JARID2: variants seen among roughly 807,000 people sequenced by gnomAD.
JARID2 encodes protein Jumonji.
Under a neutral mutation model 125.6 loss-of-function variants are expected in JARID2, and 21 were observed. That is an observed-to-expected ratio of 0.17 (90% CI 0.12 to 0.24). The LOEUF is 0.24. Among genes scored for constraint, JARID2 ranks in the 10% least tolerant of loss-of-function variants. The pLI is 1.00. For synonymous variants in JARID2, 736 were observed against 661.6 expected (o/e 1.11, Z -1.73); for missense variants, 1,303 against 1,639.6 (o/e 0.79, Z 3.55).
intron 1 of JARID2, among the ~76,000 whole-genome samples, chr6:15,361,048 A>G (rs1174252946): frequency 1.3e-5 from 2 of 152,188 alleles, no homozygotes; most frequent in Non-Finnish European, 2.9e-5. Context: ...GAACTTTGGT[A>G]TTTTCTCTAA....
intron 1 of JARID2, among the ~76,000 whole-genome samples, chr6:15,255,139 T>C (rs1224664628): frequency 3.0e-5 from 3 of 100,682 alleles, no homozygotes; most frequent in South Asian, 6.6e-4. Flanking sequence ...CTAGGAATTC[T>C]TTTTTTTTTT....
intron 1 of JARID2, among the ~76,000 whole-genome samples, chr6:15,356,940 G>A (rs970016625): frequency 1.0e-4 from 9 of 85,960 alleles, no homozygotes; most frequent in Non-Finnish European, 7.4e-5. Context: ...CTTGAGCCCG[G>A]GAGGCAGAGG....
intron 1 of JARID2, among the ~76,000 whole-genome samples, chr6:15,265,073 T>C (rs1480499323): frequency 2.0e-5 from 3 of 152,188 alleles, no homozygotes; most frequent in Non-Finnish European, 4.4e-5. Context: ...TGAGGCCAAG[T>C]TGAGGAATCC....
chr6:15,265,415 A>T (rs771149465), intron 1 of JARID2, among the ~76,000 whole-genome samples: 2 of 152,104 alleles, frequency 1.3e-5, no homozygotes, highest in Non-Finnish European at 2.9e-5. Context: ...GAGTTCCATA[A>T]GTGTAATTGA....
intron 1 of JARID2, among the ~76,000 whole-genome samples, chr6:15,327,853 T>G (rs1299260985): frequency 6.6e-6 from 1 of 152,236 alleles, no homozygotes; most frequent in African/African-American, 2.4e-5. Flanking sequence ...CTCAATGTTA[T>G]GTCTTTTGTG....
intron 1 of JARID2, among the ~76,000 whole-genome samples, chr6:15,270,385 G>A (rs1760250322): frequency 6.6e-6 from 1 of 152,142 alleles, no homozygotes; most frequent in Non-Finnish European, 1.5e-5. Flanking sequence ...ACCCGCCTTG[G>A]CCTCCCAAAG....
chr6:15,284,884 A>C (rs1402684539), intron 1 of JARID2, among the ~76,000 whole-genome samples: 1 of 152,134 alleles, frequency 6.6e-6, no homozygotes, highest in Non-Finnish European at 1.5e-5. Flanking sequence ...GCAAACATAA[A>C]GCTAGGAGCT....
chr6:15,443,290 T>A (rs1767524834), intron 3 of JARID2, among the ~76,000 whole-genome samples: 1 of 152,170 alleles, frequency 6.6e-6, no homozygotes, highest in Admixed American at 6.5e-5. Context: ...TCAGCGTTCC[T>A]AAGGGTGACT....
At position 15,500,834 on chromosome 6, in the gene JARID2, A is replaced by G. The variant is rs534319633; in HGVS notation, c.1946-73A>G. The G allele has an allele frequency of 8.4e-6, 11 of 1,313,978 alleles. 1 individual carries two copies. The African/African-American group carries it at 1.5e-4, about 18-fold the overall frequency. 81.4% of individuals were successfully genotyped at this position (1,313,978 alleles called of 1,614,324 possible). A position where few individuals can be genotyped will look rare whatever the true frequency, so the allele number is the denominator to read the frequency against. ...CTCATAGTAGGAGTTCAAGAAGTAC[A>G]GGTTGAATGAGGAACATCTTGTTCG... On this transcript the variant is annotated intron_variant, in intron 7 of 17. Transcript: ENST00000341776.
At chr6:15,481,473 T>C (rs1336062151) in intron 5 of JARID2, among the ~76,000 whole-genome samples, 1 of 152,210 alleles carries the variant, frequency 6.6e-6, no homozygotes, top group African/African-American at 2.4e-5. Flanking sequence ...TTTTTTTTCC[T>C]TTCCTCTTCT....
At chr6:15,386,589 T>A (rs1156787078) in intron 2 of JARID2, among the ~76,000 whole-genome samples, 1 of 152,228 alleles carries the variant, frequency 6.6e-6, no homozygotes, top group Non-Finnish European at 1.5e-5. Flanking sequence ...CCCCTCCTAC[T>A]GGCATTACAG....
intron 1 of JARID2, among the ~76,000 whole-genome samples, chr6:15,299,403 T>G (rs1034855117): frequency 2.6e-5 from 4 of 152,186 alleles, no homozygotes; most frequent in African/African-American, 9.7e-5. Flanking sequence ...TCTTGCATAC[T>G]GAGGTGGTGG....
At chr6:15,492,035 C>A (rs1770173936) in intron 6 of JARID2, among the ~76,000 whole-genome samples, 1 of 152,224 alleles carries the variant, frequency 6.6e-6, no homozygotes, top group African/African-American at 2.4e-5. Context: ...AAATTGAAAC[C>A]ATTCTCTTAT....
At chr6:15,449,097 G>GC (rs1767803647) in intron 3 of JARID2, among the ~76,000 whole-genome samples, 1 of 151,866 alleles carries the variant, frequency 6.6e-6, no homozygotes, top group South Asian at 2.1e-4. Flanking sequence ...CACCCTAACT[G>GC]CCCCCCACTT....
rs887454371 is a variant in JARID2 at position 15,501,332 on chromosome 6, G to A, written c.2371G>A (p.Ala791Thr). 1.0e-5 allele frequency: 16 copies of A among 1,605,052 alleles called. No homozygotes were observed. The highest frequency in any genetic ancestry group is 2.7e-5 in the African/African-American group (2 of 74,478). The change falls in exon 8 of 18, where the codon GCT (alanine) becomes ACT (threonine). Residue 791 changes from alanine (A) to threonine (T), a missense_variant. Ala to Thr is a moderately conservative substitution (Grantham distance 58). Coordinates refer to ENST00000341776, the MANE Select transcript of JARID2 (RefSeq NM_004973.4). ...GAAGACTGGCCGGCGGCGACTCTTC[G>A]CTCAGGAAAAAGAAGTGGTCAAGGA... ...QLKTGRRRLF[A>T]QEKEVVKEEE... is the part of the protein sequence containing the mutation.
rs1304708756 is a variant in JARID2, at chr6:15,481,458, G to GA, written c.671-5847dup. On this transcript the variant is annotated intron_variant, in intron 5 of 17. Transcript: ENST00000341776. ...GGGTTTAATCTTTCCCTGTGAGAGTGAATATTTTTTTTCCTTTCCTCTTCT... is the reference window on the plus strand; with the variant it reads ...GGGTTTAATCTTTCCCTGTGAGAGTGAAATATTTTTTTTCCTTTCCTCTTCT... 2.0e-5 allele frequency among the ~76,000 whole-genome samples: 3 copies of GA among 152,230 alleles called. No individual in the cohort carries two copies. The East Asian group carries it at 5.8e-4, about 29-fold the overall frequency.
chr6:15,386,392 A>G (rs1764788527), intron 2 of JARID2, among the ~76,000 whole-genome samples: 2 of 152,184 alleles, frequency 1.3e-5, no homozygotes, highest in African/African-American at 4.8e-5. Context: ...TGACAAGTGT[A>G]CACATATAAC....
intron 1 of JARID2, among the ~76,000 whole-genome samples, chr6:15,328,472 A>G (rs1762603237): frequency 6.6e-6 from 1 of 152,244 alleles, no homozygotes; most frequent in South Asian, 2.1e-4. Context: ...CGAAGGTAAT[A>G]GAAAAACTTA....
At chr6:15,432,449 A>AAAC (rs35484962) in intron 3 of JARID2, among the ~76,000 whole-genome samples, 215 of 145,144 alleles carry the variant, frequency 1.5e-3, no homozygotes, top group South Asian at 7.7e-3. Context: ...TCACCTTCAA[A>AAAC]AACAACAACA....
Sources: gnomAD v4.1 joint callset for allele counts (sites outside exome capture counted in the v4.1 genomes callset) on GRCh38, gnomAD v4.1.1 for gene constraint, MANE v1.5 for transcripts, NCBI Gene and HGNC (gene_info 2026-07-23, HGNC 2026-07-21) for gene names.